FAT3: variants seen among roughly 807,000 people sequenced by gnomAD.
FAT3 encodes the protein protocadherin Fat 3.
In FAT3, 95 loss-of-function variants were observed where a neutral mutation model predicts 310.2. The observed-to-expected ratio is 0.31, with a 90% CI of 0.26 to 0.36. The LOEUF is 0.36. Ranked by LOEUF, FAT3 falls within the 10% of genes least tolerant of loss-of-function variation. FAT3 has a pLI of 1.00. For missense variants in FAT3, 5,408 were observed against 5,715.6 expected, an observed-to-expected ratio of 0.95 and a Z score of 1.74; for synonymous variants, 2,314 against 2,192.9, an observed-to-expected ratio of 1.06 and a Z score of -1.54.
At chr11:92,461,787 A>G (rs981947684) in intron 2 of FAT3, among the ~76,000 whole-genome samples, 1 of 152,174 alleles carries the variant, frequency 6.6e-6, no homozygotes, top group African/African-American at 2.4e-5. Context: ...TAGATGTTCA[A>G]ATAGGGGAAT....
Position 92,598,230 on chromosome 11 carries a change from A to AT in FAT3, c.3607+73296dup, listed in dbSNP as rs397770261. On this transcript the variant is annotated intron_variant, in intron 3 of 27. Coordinates refer to ENST00000525166, the MANE Select transcript of FAT3 (RefSeq NM_001367949.2). ...TATATGTATACATATATATATATAT[A>AT]TTTTTTTTTTTTTTGAGACAAAGTC... 2.8e-3 allele frequency among the ~76,000 whole-genome samples: 383 copies of AT among 134,418 alleles called. 3 individuals carry two copies. Among genetic ancestry groups the AT allele is most frequent in the South Asian group, 0.02 (89 of 4,366 alleles). 88.2% of individuals were successfully genotyped at this position (134,418 alleles called of 152,430 possible).
intron 2 of FAT3, among the ~76,000 whole-genome samples, chr11:92,359,553 T>C (rs1366644378): frequency 1.3e-5 from 2 of 151,174 alleles, no homozygotes; most frequent in Non-Finnish European, 2.9e-5. Flanking sequence ...TATGTATACA[T>C]GTGCCATGCT....
At chr11:92,561,342 G>T (rs796656770) in intron 3 of FAT3, among the ~76,000 whole-genome samples, 2 of 151,224 alleles carry the variant, frequency 1.3e-5, no homozygotes, top group African/African-American at 4.9e-5. Context: ...TATTAATAAT[G>T]TTCTGAGAGC....
intron 2 of FAT3, among the ~76,000 whole-genome samples, chr11:92,374,271 C>G (rs1949279056): frequency 6.6e-6 from 1 of 152,156 alleles, no homozygotes; most frequent in Non-Finnish European, 1.5e-5. Flanking sequence ...TAAAATTAAG[C>G]ATTGTATATT....
Position 92,837,742 on chromosome 11 carries a change from A to T in FAT3, c.10304A>T (p.Asp3435Val). The change falls in exon 17 of 28, where the codon GAT becomes GTT. Residue 3435 changes from aspartate (D) to valine (V), a missense_variant. Around this residue, in one of 5 missense-constraint regions of FAT3, gnomAD observed 4,588 missense variants for 4,809.8 expected, o/e 0.95. Transcript: ENST00000525166. Reference protein sequence around the residue: ...AMSSTATVNIDISDVNDNSPV... With the variant: ...AMSSTATVNIVISDVNDNSPV... Reference sequence around the variant, plus strand: ...TCATCAACTGCAACTGTCAACATTGATATTTCTGATGTGAATGACAACAGC... The same window carrying T: ...TCATCAACTGCAACTGTCAACATTGTTATTTCTGATGTGAATGACAACAGC... 1 of 1,613,948 alleles carries T rather than the reference A, an allele frequency of 6.2e-7. No individual in the cohort carries two copies. Among genetic ancestry groups the T allele is most frequent in the South Asian group, 1.1e-5 (1 of 91,080 alleles).
intron 2 of FAT3, among the ~76,000 whole-genome samples, chr11:92,508,089 C>T (rs1468616092): frequency 1.3e-5 from 2 of 152,104 alleles, no homozygotes; most frequent in African/African-American, 4.8e-5. Context: ...ACACAACATA[C>T]ATAGTTGAAG....
intron 4 of FAT3, among the ~76,000 whole-genome samples, chr11:92,755,227 G>T (rs1945957545): frequency 6.6e-6 from 1 of 151,878 alleles, no homozygotes; most frequent in South Asian, 2.1e-4. Context: ...TTGTTTGTTT[G>T]TTTGTTTGTT....
intron 1 of FAT3, among the ~76,000 whole-genome samples, chr11:92,226,755 G>A (rs1231876463): frequency 1.3e-5 from 2 of 152,088 alleles, no homozygotes; most frequent in Non-Finnish European, 2.9e-5. Context: ...CTAGCGCCTC[G>A]GCCGGGAGCT....
At chr11:92,740,078 AT>A (rs1737936280) in intron 4 of FAT3, among the ~76,000 whole-genome samples, 1 of 152,188 alleles carries the variant, frequency 6.6e-6, no homozygotes, top group Admixed American at 6.6e-5. Context: ...GCCTGAATTA[AT>A]TTAGCTTCTA....
intron 3 of FAT3, among the ~76,000 whole-genome samples, chr11:92,688,807 C>CA (rs1176308531): frequency 2.0e-5 from 3 of 152,074 alleles, no homozygotes; most frequent in Non-Finnish European, 4.4e-5. Flanking sequence ...ATTATCCTCT[C>CA]AAAAAAATGT....
intron 3 of FAT3, among the ~76,000 whole-genome samples, chr11:92,635,704 G>A (rs561733089): frequency 6.6e-6 from 1 of 152,302 alleles, no homozygotes; most frequent in African/African-American, 2.4e-5. Flanking sequence ...ATTTAACTCA[G>A]CTAGCACTGA....
At chr11:92,453,086 T>C (rs1951403367) in intron 2 of FAT3, among the ~76,000 whole-genome samples, 1 of 152,158 alleles carries the variant, frequency 6.6e-6, no homozygotes, top group Admixed American at 6.6e-5. Flanking sequence ...ATATCCCTGT[T>C]TTAATTACTG....
intron 13 of FAT3, among the ~76,000 whole-genome samples, chr11:92,814,457 C>T (rs1186044245): frequency 2.6e-5 from 4 of 152,126 alleles, no homozygotes; most frequent in Admixed American, 6.5e-5. Context: ...GATAATTTTA[C>T]ACCTATTTTA....
At chr11:92,620,997 A>G (rs1390165911) in intron 3 of FAT3, among the ~76,000 whole-genome samples, 1 of 152,152 alleles carries the variant, frequency 6.6e-6, no homozygotes, top group Non-Finnish European at 1.5e-5. Flanking sequence ...TAATCCCATC[A>G]TGCAGGCTCC....
In FAT3 at chr11:92,889,180, G is replaced by C. The variant is rs1277236348; in HGVS notation, c.13052-9G>C. 1.4e-6 allele frequency: 1 copy of C among 709,190 alleles called. No homozygotes were observed. Among genetic ancestry groups the C allele is most frequent in the East Asian group, 2.7e-5 (1 of 36,884 alleles). The allele number at this position is 709,190 out of a possible 1,614,324, so 43.9% of individuals were successfully genotyped here. A position where few individuals can be genotyped will look rare whatever the true frequency, so the allele number is the denominator to read the frequency against. On this transcript the variant is annotated splice_polypyrimidine_tract_variant and intron_variant, in intron 25 of 27. Transcript: ENST00000525166. ...TCCCCTACCTCCGACTTCTTTTCCTGACCACAAGCCTCCATAGTGACTGTC... is the reference window on the plus strand; with the variant it reads ...TCCCCTACCTCCGACTTCTTTTCCTCACCACAAGCCTCCATAGTGACTGTC...
intron 2 of FAT3, among the ~76,000 whole-genome samples, chr11:92,401,420 G>A (rs1032670610): frequency 3.3e-5 from 5 of 152,130 alleles, no homozygotes; most frequent in Non-Finnish European, 7.4e-5. Context: ...TCCCCACAGG[G>A]CAATTCTGAA....
chr11:92,463,187 A>G (rs1160185877), intron 2 of FAT3, among the ~76,000 whole-genome samples: 1 of 152,226 alleles, frequency 6.6e-6, no homozygotes, highest in Non-Finnish European at 1.5e-5. Flanking sequence ...GATGTCTAAT[A>G]ATGTGTGGTA....
rs12146605 is a variant in FAT3 at position 92,364,358 on chromosome 11, G to A, written c.3292+8954G>A. Among the ~76,000 whole-genome samples, 15 of 152,110 alleles carry A rather than the reference G, an allele frequency of 9.9e-5. No individual in the cohort carries two copies. In the South Asian group the frequency reaches 2.9e-3, roughly 29 times the overall value. On this transcript the variant is annotated intron_variant, in intron 2 of 27. Coordinates refer to ENST00000525166, the MANE Select transcript of FAT3 (RefSeq NM_001367949.2). The stretch of plus-strand genomic sequence containing the variant: ...AGTAAGCATAGATTACCAAAACTAC[G>A]AGATGATTGCTTCATATATTTGTGA...
intron 7 of FAT3, among the ~76,000 whole-genome samples, chr11:92,785,457 ATAATTATATATCTGAAAAAC>A (rs1946865130): frequency 6.6e-6 from 1 of 152,128 alleles, no homozygotes; most frequent in Non-Finnish European, 1.5e-5. Flanking sequence ...TGCATGTAAT[ATAATTATATATCTGAAAAAC>A]TCAAAAGACT....
Sources: gnomAD v4.1 joint callset for allele counts (sites outside exome capture counted in the v4.1 genomes callset) on GRCh38, gnomAD v4.1.1 for gene constraint, gnomAD v4.1.1 regional missense constraint, MANE v1.5 for transcripts, NCBI Gene and HGNC (gene_info 2026-07-23, HGNC 2026-07-21) for gene names.